The following QSOX1 variants were observed in gnomAD, a reference collection of about 807,000 sequenced individuals.
The protein encoded by QSOX1 is quiescin sulfhydryl oxidase 1, also known as sulfhydryl oxidase 1.
QSOX1 carries 40 observed loss-of-function variants against 76.1 expected under a neutral mutation model. That is an observed-to-expected ratio of 0.53 (90% CI 0.41 to 0.68). The LOEUF (loss-of-function observed/expected upper bound fraction) is 0.68. Among genes scored for constraint, QSOX1 ranks in the 30% least tolerant of loss-of-function variants. QSOX1 has a pLI of 0.00. For synonymous variants in QSOX1, 392 were observed against 413.1 expected, an observed-to-expected ratio of 0.95 and a Z score of 0.62; for missense variants, 931 against 974.3, an observed-to-expected ratio of 0.96 and a Z score of 0.59.
rs1438274648 is a variant in QSOX1, at chr1:180,196,236, C to G, written c.1469-26C>G. On this transcript the variant is annotated intron_variant, in intron 11 of 11. Transcript: ENST00000367602. This position sits in a 1 kb window ranked among gnomAD's most constrained non-coding sequence, Gnocchi z 4.1. ...TTTTGGGTGGGACTGATGTCACCACCAGCCTGTGTATGCTTCCCTCTGTAG... is the reference window on the plus strand; with the variant it reads ...TTTTGGGTGGGACTGATGTCACCACGAGCCTGTGTATGCTTCCCTCTGTAG... 6.3e-7 allele frequency: 1 copy of G among 1,587,804 alleles called. No individual in the cohort carries two copies. Among genetic ancestry groups the G allele is most frequent in the Admixed American group, 1.7e-5 (1 of 58,836 alleles).
intron 2 of QSOX1, among the ~76,000 whole-genome samples, chr1:180,167,881 A>T (rs1662668938): frequency 6.6e-6 from 1 of 152,164 alleles, no homozygotes; most frequent in Non-Finnish European, 1.5e-5. Flanking sequence ...CAAACAGGGC[A>T]CTCTGTTCCT....
At chr1:180,190,617 A>T in intron 10 of QSOX1, 37 bp downstream of exon 10, 1 of 1,583,502 alleles carries the variant, frequency 6.3e-7, no homozygotes, top group Non-Finnish European at 8.6e-7. Context: ...TGTGCCTCCA[A>T]CCCTGCTCTG....
chr1:180,196,661 A>C lies in QSOX1; in HGVS notation c.1868A>C (p.Glu623Ala). 6.2e-7 allele frequency: 1 copy of C among 1,614,122 alleles called. No homozygotes were observed. Among genetic ancestry groups the C allele is most frequent in the South Asian group, 1.1e-5 (1 of 91,084 alleles). ...LRAAPGQEPP[E>A]HMAELQRNEQ... ...GCTGCACCAGGCCAGGAGCCTCCTG[A>C]GCACATGGCAGAGCTTCAGAGGAAT... The change falls in exon 12 of 12, where the codon GAG becomes GCG. Residue 623 changes from glutamate to alanine, a missense_variant. Physicochemically the swap from Glu to Ala is moderately radical, Grantham distance 107. Transcript: ENST00000367602. This position sits in a 1 kb window ranked among gnomAD's most constrained non-coding sequence, Gnocchi z 4.1.
intron 5 of QSOX1, among the ~76,000 whole-genome samples, chr1:180,180,250 G>A (rs1003762231): frequency 6.6e-6 from 1 of 152,164 alleles, no homozygotes; most frequent in Admixed American, 6.5e-5. Flanking sequence ...CACTCTTGTT[G>A]CCCAGGCTGG....
chr1:180,175,092 G>A (rs990196199), intron 2 of QSOX1, among the ~76,000 whole-genome samples: 1 of 151,382 alleles, frequency 6.6e-6, no homozygotes, highest in South Asian at 2.1e-4. Flanking sequence ...GGGAGGCAGA[G>A]CTTGCAGTGA....
At position 180,202,493 on chromosome 1, in the gene QSOX1, C is replaced by A. The variant is rs1663655685; in HGVS notation, c.*5456C>A. 6.6e-6 allele frequency: 1 copy of A among 152,126 alleles called. No homozygotes were observed. Among genetic ancestry groups the A allele is most frequent in the Non-Finnish European group, 1.5e-5 (1 of 68,034 alleles). The allele number at this position is 152,126 out of a possible 1,614,324, so 9.4% of individuals were successfully genotyped here. ...TTTTACCTAGTTTGAATCTGCTCTG[C>A]AATGTCCCCATCAAGTTCTTAACCA... On this transcript the variant is annotated 3_prime_UTR_variant, in exon 12 of 12. Transcript: ENST00000367602.
chr1:180,198,645 C>CT lies in QSOX1; in HGVS notation c.*1611dup. ...TCTCCCTGCATGTTTCCCTCGACCT[C>CT]TTTAGCTGCAGCGCCTTGCTGGGCT... On this transcript the variant is annotated 3_prime_UTR_variant, in exon 12 of 12. Transcript: ENST00000367602. 2.9e-6 allele frequency: 1 copy of CT among 346,042 alleles called. No individual in the cohort carries two copies. The highest frequency in any genetic ancestry group is 2.2e-5 in the South Asian group (1 of 45,890). The allele number at this position is 346,042 out of a possible 1,614,324, so 21.4% of individuals were successfully genotyped here. A position where few individuals can be genotyped will look rare whatever the true frequency, so the allele number is the denominator to read the frequency against.
chr1:180,157,533 G>A lies in QSOX1; in HGVS notation c.265+2361G>A, dbSNP rs114697043. On this transcript the variant is annotated intron_variant, in intron 1 of 11. Coordinates refer to ENST00000367602, the MANE Select transcript of QSOX1 (RefSeq NM_002826.5). ...CTTGAGGCAGGAACAGAGACAGAGT[G>A]AAGGTCACAGGGAGAGAGAAGAATT... Among the ~76,000 whole-genome samples, 705 of 152,338 alleles carry A rather than the reference G, an allele frequency of 4.6e-3. 4 individuals are homozygous for A. The highest frequency in any genetic ancestry group is 0.016 in the African/African-American group (672 of 41,580).
At position 180,196,973 on chromosome 1, in the gene QSOX1, T is replaced by C. The variant is rs1663509772; in HGVS notation, c.2180T>C (p.Met727Thr). 2 of 1,612,208 alleles carry C rather than the reference T, an allele frequency of 1.2e-6. No individual in the cohort carries two copies. The highest frequency in any genetic ancestry group is 1.1e-5 in the South Asian group (1 of 90,866). Residue 727 changes from methionine (M) to threonine (T), a missense_variant, in exon 12 of 12, where the codon ATG becomes ACG. Physicochemically the swap from Met to Thr is moderately conservative, Grantham distance 81. Transcript: ENST00000367602. This position sits in a 1 kb window ranked among gnomAD's most constrained non-coding sequence, Gnocchi z 4.1. ...YSLSFMGLLA[M>T]YTYFQAKIRA... ...CTGTCCTTCATGGGCCTGCTGGCCA[T>C]GTACACCTACTTCCAGGCCAAGATA...
At chr1:180,183,334 G>A (rs547131269) in intron 6 of QSOX1, among the ~76,000 whole-genome samples, 12 of 151,370 alleles carry the variant, frequency 7.9e-5, no homozygotes, top group Non-Finnish European at 4.4e-5. Context: ...GAGGTATCCC[G>A]TGCCCTGGAG....
At position 180,190,587 on chromosome 1, in the gene QSOX1, C is replaced by T; in HGVS notation, c.1288+7C>T. On this transcript the variant is annotated splice_region_variant and intron_variant, in intron 10 of 11. Transcript: ENST00000367602. ...GACCACTCACAGGAAGCAGGTACGTCCAGGACCCGTTCACCCCACTGTGCC... is the reference window on the plus strand; with the variant it reads ...GACCACTCACAGGAAGCAGGTACGTTCAGGACCCGTTCACCCCACTGTGCC... The T allele has an allele frequency of 1.9e-6, 3 of 1,610,136 alleles. No individual in the cohort carries two copies. Among genetic ancestry groups the T allele is most frequent in the Non-Finnish European group, 2.5e-6 (3 of 1,177,072 alleles).
At chr1:180,167,016 G>A (rs1223256377) in intron 2 of QSOX1, among the ~76,000 whole-genome samples, 1 of 152,328 alleles carries the variant, frequency 6.6e-6, no homozygotes, top group South Asian at 2.1e-4. Context: ...CAGGCAGCAG[G>A]GATCCCCGGC....
chr1:180,198,466 T>C lies in QSOX1; in HGVS notation c.*1429T>C. ...TTACAAGGATCAGAGCTGCTGATAA[T>C]GAACCTCATTAAGGGGGAGCAGGAG... is the stretch of plus-strand genomic sequence containing the variant. On this transcript the variant is annotated 3_prime_UTR_variant, in exon 12 of 12. Coordinates refer to ENST00000367602, the MANE Select transcript of QSOX1 (RefSeq NM_002826.5). 2.2e-6 allele frequency: 1 copy of C among 446,454 alleles called. No homozygotes were observed. The highest frequency in any genetic ancestry group is 4.6e-6 in the Non-Finnish European group (1 of 218,704). 27.7% of individuals were successfully genotyped at this position (446,454 alleles called of 1,614,324 possible).
intron 6 of QSOX1, among the ~76,000 whole-genome samples, chr1:180,182,902 A>T (rs1663075193): frequency 6.6e-6 from 1 of 152,036 alleles, no homozygotes; most frequent in Admixed American, 6.5e-5. Flanking sequence ...TGGGCCAGGG[A>T]GGCAAGGCTT....
intron 4 of QSOX1, among the ~76,000 whole-genome samples, chr1:180,178,208 C>T (rs917598731): frequency 6.6e-6 from 1 of 152,186 alleles, no homozygotes; most frequent in Non-Finnish European, 1.5e-5. Flanking sequence ...CCTCCCCACA[C>T]GGCCTCCTAC....
rs578180369 is a variant in QSOX1 at position 180,190,335 on chromosome 1, C to T, written c.1141-98C>T. The T allele has an allele frequency of 5.9e-6, 8 of 1,347,954 alleles. No individual in the cohort carries two copies. The Admixed American group carries it at 1.5e-4, about 25-fold the overall frequency. The allele number at this position is 1,347,954 out of a possible 1,614,324, so 83.5% of individuals were successfully genotyped here. On this transcript the variant is annotated intron_variant, in intron 9 of 11. Coordinates refer to ENST00000367602, the MANE Select transcript of QSOX1 (RefSeq NM_002826.5). ...ACCTTCGAGGTGATAGACTGAGGGA[C>T]CTCATTTGTCTTAGGGCTGTCTCCT... is the stretch of plus-strand genomic sequence containing the variant.
intron 4 of QSOX1, among the ~76,000 whole-genome samples, chr1:180,177,181 C>T (rs1429430584): frequency 6.6e-6 from 1 of 151,860 alleles, no homozygotes; most frequent in African/African-American, 2.4e-5. Flanking sequence ...CCTCATGGCA[C>T]ATTTTCAGCC....
At position 180,196,233 on chromosome 1, in the gene QSOX1, C is replaced by T; in HGVS notation, c.1469-29C>T. The stretch of plus-strand genomic sequence containing the variant: ...GGTTTTTGGGTGGGACTGATGTCAC[C>T]ACCAGCCTGTGTATGCTTCCCTCTG... On this transcript the variant is annotated intron_variant, in intron 11 of 11. Coordinates refer to ENST00000367602, the MANE Select transcript of QSOX1 (RefSeq NM_002826.5). This position sits in a 1 kb window ranked among gnomAD's most constrained non-coding sequence, Gnocchi z 4.1. 2 of 1,585,632 alleles carry T rather than the reference C, an allele frequency of 1.3e-6. No homozygotes were observed. The highest frequency in any genetic ancestry group is 1.1e-5 in the South Asian group (1 of 87,224).
chr1:180,173,067 A>G (rs1230836510), intron 2 of QSOX1, among the ~76,000 whole-genome samples: 1 of 152,226 alleles, frequency 6.6e-6, no homozygotes. Context: ...ATCACCATGA[A>G]TAACTGCAGC....
Sources: allele counts gnomAD v4.1 joint callset (sites outside exome capture counted in the v4.1 genomes callset), GRCh38; gene constraint gnomAD v4.1.1; non-coding constraint Gnocchi (gnomAD v3.1); transcripts MANE v1.5; gene names NCBI Gene and HGNC (gene_info 2026-07-23, HGNC 2026-07-21).